RBFOX1: variants seen among roughly 807,000 people sequenced by gnomAD.
The protein encoded by RBFOX1 is RNA binding fox-1 homolog 1.
RBFOX1 carries 8 observed loss-of-function variants against 57.7 expected under a neutral mutation model. The observed-to-expected ratio is 0.14, with a 90% confidence interval of 0.08 to 0.25. The LOEUF is 0.25. RBFOX1 is among the 10% of genes least tolerant of loss of function. The pLI is 1.00. For synonymous variants in RBFOX1, 326 were observed against 222.4 expected (o/e 1.47, Z -4.15); for missense variants, 611 against 548.5 (o/e 1.11, Z -1.14).
intron 1 of RBFOX1, among the ~76,000 whole-genome samples, chr16:6,054,974 G>T (rs2095597436): frequency 6.6e-6 from 1 of 151,954 alleles, no homozygotes; most frequent in African/African-American, 2.4e-5. Flanking sequence ...AGTAGAGACG[G>T]GGTTTCACCA....
chr16:5,502,993 A>T (rs1205378044), intron 2 of RBFOX1, among the ~76,000 whole-genome samples: 1 of 152,242 alleles, frequency 6.6e-6, no homozygotes, highest in African/African-American at 2.4e-5. Flanking sequence ...TCCAATACAC[A>T]TCTCTCCTAA....
intron 1 of RBFOX1, among the ~76,000 whole-genome samples, chr16:6,195,908 A>G (rs2097177041): frequency 6.6e-6 from 1 of 152,122 alleles, no homozygotes; most frequent in Non-Finnish European, 1.5e-5. Flanking sequence ...CCAGAAAGAG[A>G]TAAACGGGCT....
intron 4 of RBFOX1, among the ~76,000 whole-genome samples, chr16:5,937,183 G>C (rs1299738082): frequency 2.6e-5 from 4 of 152,100 alleles, no homozygotes; most frequent in African/African-American, 7.2e-5. Flanking sequence ...TGTGTTCTCT[G>C]GTCTCCATTG....
At chr16:7,175,819 T>G (rs557178152) in intron 4 of RBFOX1, among the ~76,000 whole-genome samples, 1 of 152,268 alleles carries the variant, frequency 6.6e-6, no homozygotes, top group South Asian at 2.1e-4. Flanking sequence ...CTCAGCTGGG[T>G]TGCAGTAATC....
upstream of RBFOX1, among the ~76,000 whole-genome samples, chr16:6,016,211 G>C (rs2094992654): frequency 6.6e-6 from 1 of 152,200 alleles, no homozygotes; most frequent in African/African-American, 2.4e-5. Flanking sequence ...CAGGGTAAAG[G>C]TAAATGGAGG....
chr16:7,039,631 G>A (rs1054848991), intron 3 of RBFOX1, among the ~76,000 whole-genome samples: 2 of 152,130 alleles, frequency 1.3e-5, no homozygotes, highest in African/African-American at 4.8e-5. Context: ...ATGACCGGTG[G>A]TGGGATCTGT....
intron 2 of RBFOX1, among the ~76,000 whole-genome samples, chr16:5,541,006 C>T (rs984022939): frequency 1.1e-4 from 16 of 152,014 alleles, no homozygotes; most frequent in Admixed American, 7.2e-4. Context: ...TGTGCTACCC[C>T]GCCTGGCTAA....
intron 4 of RBFOX1, among the ~76,000 whole-genome samples, chr16:7,269,086 TCACATTAA>T (rs1194955007): frequency 1.4e-5 from 2 of 138,780 alleles, no homozygotes; most frequent in Non-Finnish European, 3.1e-5. Flanking sequence ...AGCCTCTGGA[TCACATTAA>T]CCCTCACAGC....
intron 1 of RBFOX1, among the ~76,000 whole-genome samples, chr16:6,180,087 A>T (rs978924412): frequency 1.3e-5 from 2 of 152,128 alleles, no homozygotes; most frequent in Non-Finnish European, 2.9e-5. Context: ...AAATATGTAG[A>T]TCTGCAGTAT....
rs1400404144 is a variant in RBFOX1 at position 5,820,495 on chromosome 16, T to G, written c.319-46808T>G. ...ACCAGAGCTGCAGCTGCCCGCACGT[T>G]TCTAGCCACAAGGGAGGGGAACCCA... On this transcript the variant is annotated intron_variant, in intron 3 of 19. Coordinates refer to the RBFOX1 transcript ENST00000641259. 3.9e-5 allele frequency among the ~76,000 whole-genome samples: 6 copies of G among 152,106 alleles called. No individual in the cohort carries two copies. The East Asian group carries it at 5.8e-4, about 15-fold the overall frequency.
chr16:7,162,896 A>G (rs2078664430), intron 4 of RBFOX1, among the ~76,000 whole-genome samples: 1 of 152,142 alleles, frequency 6.6e-6, no homozygotes, highest in East Asian at 1.9e-4. Context: ...CTCCTTCCAA[A>G]TGCATGTTGA....
At chr16:6,215,892 A>G (rs1167163750) in intron 1 of RBFOX1, among the ~76,000 whole-genome samples, 2 of 152,188 alleles carry the variant, frequency 1.3e-5, no homozygotes, top group Non-Finnish European at 1.5e-5. Context: ...AGGATCCACA[A>G]GATGGTTGCA....
At chr16:6,228,239 C>G (rs1048207827) in intron 1 of RBFOX1, among the ~76,000 whole-genome samples, 1 of 152,114 alleles carries the variant, frequency 6.6e-6, no homozygotes, top group African/African-American at 2.4e-5. Context: ...GGGAGAATCG[C>G]TTGAACCTGG....
At chr16:6,221,971 A>T (rs1301299503) in intron 1 of RBFOX1, among the ~76,000 whole-genome samples, 2 of 152,150 alleles carry the variant, frequency 1.3e-5, no homozygotes, top group African/African-American at 4.8e-5. Context: ...TTTAGTCCCT[A>T]TCATAAGGGA....
At chr16:5,399,765 T>C (rs564685404) in intron 1 of RBFOX1, among the ~76,000 whole-genome samples, 2 of 152,166 alleles carry the variant, frequency 1.3e-5, no homozygotes, top group South Asian at 4.2e-4. Context: ...TTTGGCTCAT[T>C]TGCAGTTCTA....
intron 3 of RBFOX1, among the ~76,000 whole-genome samples, chr16:6,669,310 T>C (rs952942061): frequency 4.6e-5 from 7 of 152,200 alleles, no homozygotes; most frequent in Non-Finnish European, 8.8e-5. Context: ...AATTCACTTC[T>C]TATATTGTGC....
At chr16:5,646,940 C>G (rs1045557873) in intron 3 of RBFOX1, among the ~76,000 whole-genome samples, 3 of 152,182 alleles carry the variant, frequency 2.0e-5, no homozygotes, top group Non-Finnish European at 2.9e-5. Flanking sequence ...GCCAGGAAGA[C>G]CCTCTTGATG....
At chr16:7,014,333 C>A (rs1229672641) in intron 3 of RBFOX1, among the ~76,000 whole-genome samples, 2 of 152,058 alleles carry the variant, frequency 1.3e-5, no homozygotes, top group South Asian at 2.1e-4. Flanking sequence ...CCACGTCAGC[C>A]TCCCTAGTAG....
intron 5 of RBFOX1, among the ~76,000 whole-genome samples, chr16:7,569,015 G>A (rs1009710590): frequency 4.0e-5 from 6 of 151,400 alleles, no homozygotes; most frequent in African/African-American, 9.7e-5. Context: ...TGACAATTAC[G>A]GTCATTGTCC....
Sources: gnomAD v4.1 joint callset for allele counts (sites outside exome capture counted in the v4.1 genomes callset) on GRCh38, gnomAD v4.1.1 for gene constraint, MANE v1.5 for transcripts, NCBI Gene and HGNC (gene_info 2026-07-23, HGNC 2026-07-21) for gene names.